COL5A2: variants seen among roughly 807,000 people sequenced by gnomAD.
COL5A2 encodes the protein collagen type V alpha 2 chain.
COL5A2 carries 23 observed loss-of-function variants against 208.2 expected under a neutral mutation model. The observed-to-expected ratio is 0.11, with a 90% CI of 0.08 to 0.16. COL5A2 has a LOEUF of 0.16. Among genes scored for constraint, COL5A2 ranks in the 10% least tolerant of loss-of-function variants. The pLI is 1.00. For synonymous variants in COL5A2, 625 were observed against 628.5 expected (o/e 0.99, Z 0.08); for missense variants, 1,590 against 1,956.4 (o/e 0.81, Z 3.53).
upstream of COL5A2, among the ~76,000 whole-genome samples, chr2:189,183,532 G>A (rs1259199705): frequency 6.6e-6 from 1 of 152,068 alleles, no homozygotes; most frequent in Non-Finnish European, 1.5e-5. Flanking sequence ...TCTCCCACTG[G>A]AGAAGCATAA....
chr2:189,117,019 T>G (rs1687405452), intron 1 of COL5A2, among the ~76,000 whole-genome samples: 1 of 152,194 alleles, frequency 6.6e-6, no homozygotes, highest in South Asian at 2.1e-4. Flanking sequence ...TTTTCCAATC[T>G]CATAAGCAAA....
chr2:189,047,238 A>G (rs1376712467), intron 45 of COL5A2, among the ~76,000 whole-genome samples: 1 of 152,260 alleles, frequency 6.6e-6, no homozygotes, highest in African/African-American at 2.4e-5. Context: ...TAAAATAAGT[A>G]GAGAGATTTA....
the COL5A2 span, among the ~76,000 whole-genome samples, chr2:189,275,584 G>A: frequency 2.0e-5 from 3 of 151,662 alleles, no homozygotes; most frequent in African/African-American, 4.8e-5. Flanking sequence ...CTCTCCAGCA[G>A]CTGGGATTAC....
the COL5A2 span, among the ~76,000 whole-genome samples, chr2:189,320,868 A>T: frequency 6.6e-6 from 1 of 152,196 alleles, no homozygotes; most frequent in African/African-American, 2.4e-5. Context: ...TAATTGTCAG[A>T]TTCACCAAAG....
At chr2:189,070,272 C>G (rs894430271) in intron 18 of COL5A2, among the ~76,000 whole-genome samples, 10 of 152,108 alleles carry the variant, frequency 6.6e-5, no homozygotes, top group African/African-American at 2.4e-4. Flanking sequence ...GCCTGGAAAA[C>G]TAAAATTCTA....
chr2:189,172,199 G>C (rs927593213), intron 1 of COL5A2, among the ~76,000 whole-genome samples: 3 of 152,196 alleles, frequency 2.0e-5, no homozygotes, highest in African/African-American at 7.2e-5. Flanking sequence ...CTGTGGGAGA[G>C]AGCTGAACTT....
At chr2:189,084,572 T>TGATACTAAATGATAAA (rs1686609431) in intron 11 of COL5A2, among the ~76,000 whole-genome samples, 1 of 152,168 alleles carries the variant, frequency 6.6e-6, no homozygotes, top group African/African-American at 2.4e-5. Context: ...ATATAGAAAT[T>TGATACTAAATGATAAA]AATGGCCTAC....
chr2:189,062,195 T>C (rs1028197908), intron 29 of COL5A2, among the ~76,000 whole-genome samples: 1 of 151,844 alleles, frequency 6.6e-6, no homozygotes, highest in Non-Finnish European at 1.5e-5. Flanking sequence ...TTTTTTTTTT[T>C]TTTTTGGAGA....
At chr2:189,377,372 C>G in the COL5A2 span, among the ~76,000 whole-genome samples, 1 of 152,130 alleles carries the variant, frequency 6.6e-6, no homozygotes, top group African/African-American at 2.4e-5. Context: ...TTGTACAGAC[C>G]TACATTATAC....
chr2:189,352,279 T>C, the COL5A2 span, among the ~76,000 whole-genome samples: 11 of 152,186 alleles, frequency 7.2e-5, no homozygotes, highest in Admixed American at 2.6e-4. Context: ...CATGTGTCTT[T>C]ATAGTAGAAT....
At chr2:189,329,422 G>A in the COL5A2 span, among the ~76,000 whole-genome samples, 13 of 152,154 alleles carry the variant, frequency 8.5e-5, no homozygotes, top group African/African-American at 3.1e-4. Context: ...GGTGACTATA[G>A]TTAATAATAA....
the COL5A2 span, among the ~76,000 whole-genome samples, chr2:189,428,830 C>T: frequency 6.6e-6 from 1 of 152,152 alleles, no homozygotes; most frequent in Middle Eastern, 3.2e-3. Context: ...CCAGTACCAG[C>T]TATTTCTTTA....
chr2:189,054,005 G>C (rs1685847704), intron 36 of COL5A2, 57 bp from the exon 37 acceptor site: 1 of 1,542,974 alleles, frequency 6.5e-7, no homozygotes, highest in Admixed American at 1.7e-5. Context: ...CATAATTTTA[G>C]GACATTGGTC....
At chr2:189,201,590 T>C (rs1265248058) in intron 1 of COL5A2, among the ~76,000 whole-genome samples, 2 of 151,984 alleles carry the variant, frequency 1.3e-5, no homozygotes, top group Non-Finnish European at 2.9e-5. Context: ...AGTTAGAAAT[T>C]ACCTTGATTC....
At chr2:189,328,140 C>T in the COL5A2 span, among the ~76,000 whole-genome samples, 2 of 152,108 alleles carry the variant, frequency 1.3e-5, no homozygotes, top group East Asian at 1.9e-4. Flanking sequence ...TGTAGTTATG[C>T]GATTCCAACA....
intron 1 of COL5A2, among the ~76,000 whole-genome samples, chr2:189,189,549 C>A (rs1329733711): frequency 6.6e-6 from 1 of 152,002 alleles, no homozygotes; most frequent in Non-Finnish European, 1.5e-5. Flanking sequence ...AATAAATTAG[C>A]CAGGCATGGT....
chr2:189,138,235 A>G (rs1251891036), intron 1 of COL5A2, among the ~76,000 whole-genome samples: 8 of 152,018 alleles, frequency 5.3e-5, no homozygotes, highest in Non-Finnish European at 1.0e-4. Flanking sequence ...CGGCCTCCCA[A>G]AGTGCTGGGA....
At chr2:189,182,368 T>C (rs55851872), upstream of COL5A2, among the ~76,000 whole-genome samples, 22,718 of 152,190 alleles carry the variant, frequency 0.15, 2,023 homozygotes, top group Non-Finnish European at 0.2. Flanking sequence ...ATATAGGCGA[T>C]TACGGTTCAA....
At chr2:189,427,024 G>A in the COL5A2 span, among the ~76,000 whole-genome samples, 3 of 152,226 alleles carry the variant, frequency 2.0e-5, no homozygotes, top group Non-Finnish European at 4.4e-5. Context: ...CTAAAAGGAA[G>A]GCAAGTGCTG....
Sources: gnomAD v4.1 joint callset for allele counts (sites outside exome capture counted in the v4.1 genomes callset) on GRCh38, gnomAD v4.1.1 for gene constraint, MANE v1.5 for transcripts, NCBI Gene and HGNC (gene_info 2026-07-23, HGNC 2026-07-21) for gene names.